The following CDH2 variants were observed in gnomAD, a reference collection of about 807,000 sequenced individuals.
CDH2 encodes cadherin-2.
A neutral mutation model predicts 92.0 loss-of-function variants in CDH2; 17 were observed. The observed-to-expected ratio is 0.18, with a 90% CI of 0.13 to 0.28. The LOEUF (loss-of-function observed/expected upper bound fraction) is 0.28, where lower values mean the gene tolerates loss of function less well. Among genes scored for constraint, CDH2 ranks in the 10% least tolerant of loss-of-function variants. The pLI, the probability that CDH2 is intolerant of heterozygous loss-of-function variation, is 1.00. For synonymous variants in CDH2, 419 were observed against 415.9 expected (o/e 1.01, Z -0.09); for missense variants, 862 against 1,133.1 (o/e 0.76, Z 3.44).
At chr18:28,072,728 T>TG (rs1226202336) in intron 2 of CDH2, among the ~76,000 whole-genome samples, 1 of 152,256 alleles carries the variant, frequency 6.6e-6, no homozygotes, top group East Asian at 1.9e-4. Context: ...CAATGCTTTA[T>TG]TTTTCAAACA....
At chr18:28,148,519 C>T (rs1385001420) in intron 1 of CDH2, among the ~76,000 whole-genome samples, 1 of 152,182 alleles carries the variant, frequency 6.6e-6, no homozygotes. Flanking sequence ...AAGTTAGTTG[C>T]CCTACTTCTT....
intron 2 of CDH2, among the ~76,000 whole-genome samples, chr18:28,086,861 G>A (rs1253861412): frequency 6.6e-6 from 1 of 152,128 alleles, no homozygotes; most frequent in East Asian, 1.9e-4. Context: ...CTCTTAGACA[G>A]CATTTGAATG....
chr18:28,058,313 G>C (rs143618454), intron 2 of CDH2, among the ~76,000 whole-genome samples: 1 of 152,192 alleles, frequency 6.6e-6, no homozygotes, highest in African/African-American at 2.4e-5. Context: ...GGATCTTTTG[G>C]ACAAGACATG....
At chr18:28,095,800 AC>A (rs2015121951) in intron 2 of CDH2, among the ~76,000 whole-genome samples, 1 of 114,828 alleles carries the variant, frequency 8.7e-6, no homozygotes, top group African/African-American at 3.2e-5. Context: ...ATAGGATGCA[AC>A]TCCATCAAAA....
At position 28,117,895 on chromosome 18, in the gene CDH2, G is replaced by A. The variant is rs2015521959; in HGVS notation, c.172+29778C>T. 2.6e-5 allele frequency among the ~76,000 whole-genome samples: 4 copies of A among 151,940 alleles called. No homozygotes were observed. The South Asian group carries it at 8.3e-4, about 31-fold the overall frequency. ...ACTATTACTCTTTCTAGTATGTTAG[G>A]CCACCTGTCATCTAAATGACATGCA... is the stretch of plus-strand genomic sequence containing the variant. On this transcript the variant is annotated intron_variant, in intron 2 of 15. Transcript: ENST00000269141.
intron 7 of CDH2, among the ~76,000 whole-genome samples, chr18:28,001,522 C>T (rs1464441034): frequency 6.6e-6 from 1 of 152,176 alleles, no homozygotes; most frequent in Non-Finnish European, 1.5e-5. Context: ...TAAATTATGG[C>T]ATTCATGCTG....
At chr18:27,963,287 TGGCC>T in intron 15 of CDH2, 66 bp downstream of exon 15, 1 of 1,418,118 alleles carries the variant, frequency 7.1e-7, no homozygotes, top group Non-Finnish European at 9.9e-7. Flanking sequence ...AAGCAATTTG[TGGCC>T]TACAGAGATC....
chr18:28,123,908 T>C (rs182879970), intron 2 of CDH2, among the ~76,000 whole-genome samples: 1 of 152,250 alleles, frequency 6.6e-6, no homozygotes, highest in East Asian at 1.9e-4. Context: ...ATTAAAATAA[T>C]AGACAGCATT....
rs980571701 is a variant in CDH2 at position 27,963,644 on chromosome 18, G to C, written c.2350-123C>G. On this transcript the variant is annotated intron_variant, in intron 14 of 15. Transcript: ENST00000269141. ...GAGGAAAATTTAACATAATGGAAAA[G>C]TTGCCACTATGAGTTTTTCATGTTA... 3 of 750,352 alleles carry C rather than the reference G, an allele frequency of 4.0e-6. No individual in the cohort carries two copies. The Admixed American group carries it at 8.3e-5, about 21-fold the overall frequency. 46.5% of individuals were successfully genotyped at this position (750,352 alleles called of 1,614,324 possible).
At chr18:27,973,935 C>T (rs902921360) in intron 14 of CDH2, among the ~76,000 whole-genome samples, 2 of 152,172 alleles carry the variant, frequency 1.3e-5, no homozygotes, top group East Asian at 3.9e-4. Flanking sequence ...TAGAGAGAAG[C>T]AGACCTCCTT....
chr18:28,028,068 T>A (rs1306200626), intron 2 of CDH2, among the ~76,000 whole-genome samples: 1 of 152,104 alleles, frequency 6.6e-6, no homozygotes, highest in African/African-American at 2.4e-5. Flanking sequence ...AACAGGTTTT[T>A]GTTAACTTTG....
At chr18:28,102,685 T>C (rs1433084062) in intron 2 of CDH2, among the ~76,000 whole-genome samples, 2 of 152,104 alleles carry the variant, frequency 1.3e-5, no homozygotes, top group African/African-American at 2.4e-5. Context: ...CTAAAACTTA[T>C]CTTGTGGCTT....
At chr18:28,117,193 T>TA (rs1276182343) in intron 2 of CDH2, among the ~76,000 whole-genome samples, 1 of 152,006 alleles carries the variant, frequency 6.6e-6, no homozygotes, top group Non-Finnish European at 1.5e-5. Flanking sequence ...CACATACTTG[T>TA]AAAAAAACAA....
intron 6 of CDH2, among the ~76,000 whole-genome samples, chr18:27,945,077 C>T (rs949805150): frequency 1.3e-5 from 2 of 152,048 alleles, no homozygotes; most frequent in Admixed American, 6.6e-5. Flanking sequence ...CTCTCTCAAA[C>T]TTGTTTTAGC....
intron 2 of CDH2, among the ~76,000 whole-genome samples, chr18:28,052,980 T>C (rs1440172267): frequency 6.6e-6 from 1 of 152,154 alleles, no homozygotes; most frequent in Non-Finnish European, 1.5e-5. Flanking sequence ...TAATCCAATA[T>C]GCCTGGTGTC....
At chr18:28,056,946 T>C (rs1018229218) in intron 2 of CDH2, among the ~76,000 whole-genome samples, 9 of 152,194 alleles carry the variant, frequency 5.9e-5, no homozygotes, top group African/African-American at 1.7e-4. Flanking sequence ...AGAAATCCGA[T>C]GTTAGCCATA....
At chr18:28,085,035 C>T (rs1381349578) in intron 2 of CDH2, among the ~76,000 whole-genome samples, 3 of 152,100 alleles carry the variant, frequency 2.0e-5, no homozygotes, top group Admixed American at 6.6e-5. Flanking sequence ...ATATATTATA[C>T]GTATAGACAG....
chr18:28,040,629 A>C (rs1464138149), intron 2 of CDH2, among the ~76,000 whole-genome samples: 2 of 152,204 alleles, frequency 1.3e-5, no homozygotes, highest in Non-Finnish European at 2.9e-5. Flanking sequence ...CAGAGCAAAC[A>C]ATATAAAGTA....
intron 6 of CDH2, among the ~76,000 whole-genome samples, chr18:28,004,604 T>C (rs1365102721): frequency 1.3e-5 from 2 of 152,014 alleles, no homozygotes; most frequent in Non-Finnish European, 2.9e-5. Flanking sequence ...AAGTTGGAAA[T>C]AATAGAGAAA....
Sources: gnomAD v4.1 joint callset for allele counts (sites outside exome capture counted in the v4.1 genomes callset) on GRCh38, gnomAD v4.1.1 for gene constraint, MANE v1.5 for transcripts, NCBI Gene and HGNC (gene_info 2026-07-23, HGNC 2026-07-21) for gene names.